The following CACNG5 variants were observed in gnomAD, a reference collection of about 807,000 sequenced individuals.
CACNG5 encodes voltage-dependent calcium channel gamma-5 subunit.
Under a neutral mutation model 24.8 loss-of-function variants are expected in CACNG5, and 18 were observed. The observed-to-expected ratio is 0.73, with a 90% CI of 0.50 to 1.08. The LOEUF is 1.08. CACNG5 is among the 50% of genes least tolerant of loss of function. CACNG5 has a pLI of 0.00. For missense variants in CACNG5, 349 were observed against 367.9 expected, an observed-to-expected ratio of 0.95 and a Z score of 0.42; for synonymous variants, 157 against 149.1, an observed-to-expected ratio of 1.05 and a Z score of -0.39.
rs1977261701 is a variant in CACNG5, at chr17:66,886,452, G to A, written c.*1212G>A. On this transcript the variant is annotated 3_prime_UTR_variant, in exon 6 of 6. Transcript: ENST00000533854. Reference sequence around the variant, plus strand: ...CCCATTCTTCTGGTGGGAAACCGGAGCCAGGAGGGTTTCAATTACCCTCCG... The same window carrying A: ...CCCATTCTTCTGGTGGGAAACCGGAACCAGGAGGGTTTCAATTACCCTCCG... Among the ~76,000 whole-genome samples, 1 of 152,262 alleles carries A rather than the reference G, an allele frequency of 6.6e-6. No individual in the cohort carries two copies. Among genetic ancestry groups the A allele is most frequent in the South Asian group, 2.1e-4 (1 of 4,824 alleles).
intron 1 of CACNG5, among the ~76,000 whole-genome samples, chr17:66,851,102 C>CA (rs1218825412): frequency 6.6e-6 from 1 of 152,014 alleles, no homozygotes; most frequent in African/African-American, 2.4e-5. Flanking sequence ...ACTACCAGCC[C>CA]AAAAAATTGC....
intron 1 of CACNG5, among the ~76,000 whole-genome samples, chr17:66,841,285 A>T (rs564174940): frequency 6.6e-6 from 1 of 152,302 alleles, no homozygotes; most frequent in South Asian, 2.1e-4. Flanking sequence ...GCCGTTCCAA[A>T]AGAGGCAATC....
intron 1 of CACNG5, among the ~76,000 whole-genome samples, chr17:66,873,086 T>G (rs1159535822): frequency 6.6e-6 from 1 of 152,172 alleles, no homozygotes; most frequent in Non-Finnish European, 1.5e-5. Context: ...TCCACATCTC[T>G]AACCCTGAGT....
intron 1 of CACNG5, among the ~76,000 whole-genome samples, chr17:66,875,207 G>A (rs140654214): frequency 7.9e-5 from 12 of 152,186 alleles, no homozygotes; most frequent in South Asian, 2.1e-4. Context: ...GCTTATAGGC[G>A]CTTTACTAGA....
intron 1 of CACNG5, among the ~76,000 whole-genome samples, chr17:66,869,114 C>A (rs1158930993): frequency 6.6e-6 from 1 of 152,016 alleles, no homozygotes; most frequent in Non-Finnish European, 1.5e-5. Flanking sequence ...GATGGAGTCT[C>A]GCTCTGTCAT....
intron 4 of CACNG5, among the ~76,000 whole-genome samples, chr17:66,882,669 A>G (rs1977177551): frequency 6.6e-6 from 1 of 152,072 alleles, no homozygotes. Flanking sequence ...CGGATGACTG[A>G]CTGGTTAGGG....
At position 66,890,371 on chromosome 17, in the gene CACNG5, G is replaced by T. The variant is rs1323448965; in HGVS notation, c.*5131G>T. On this transcript the variant is annotated 3_prime_UTR_variant, in exon 6 of 6. Transcript: ENST00000533854. ...CTTTGGGTTCCAGGCATGCAGATGA[G>T]TGAATAGGAACTGGGCAGGTGCCCC... 6.6e-6 allele frequency among the ~76,000 whole-genome samples: 1 copy of T among 152,254 alleles called. No homozygotes were observed. The highest frequency in any genetic ancestry group is 1.9e-4 in the East Asian group (1 of 5,194).
Position 66,890,409 on chromosome 17 carries a change from G to C in CACNG5, c.*5169G>C, listed in dbSNP as rs898280315. 2.0e-5 allele frequency among the ~76,000 whole-genome samples: 3 copies of C among 152,214 alleles called. No homozygotes were observed. The highest frequency in any genetic ancestry group is 2.9e-5 in the Non-Finnish European group (2 of 68,034). ...GGGCAGGTGCCCCTCTAGCATCCAC[G>C]TCTCCCAGGACAGGTGCTAGGGCCT... On this transcript the variant is annotated 3_prime_UTR_variant, in exon 6 of 6. Coordinates refer to ENST00000533854, the MANE Select transcript of CACNG5 (RefSeq NM_145811.3).
intron 1 of CACNG5, among the ~76,000 whole-genome samples, chr17:66,855,285 G>T (rs952963651): frequency 1.3e-5 from 2 of 152,206 alleles, no homozygotes; most frequent in Non-Finnish European, 2.9e-5. Flanking sequence ...TCTCTGAGCG[G>T]CTTTGCGGCA....
rs1730989061 is a variant in CACNG5 at position 66,887,163 on chromosome 17, T to G, written c.*1923T>G. 6.6e-6 allele frequency among the ~76,000 whole-genome samples: 1 copy of G among 152,166 alleles called. No homozygotes were observed. The highest frequency in any genetic ancestry group is 2.4e-5 in the African/African-American group (1 of 41,440). ...GTATTTTGTTGCTGGATTCTTCCAT[T>G]TGTCTCACAGCAGGGTGGAGGAGAA... On this transcript the variant is annotated 3_prime_UTR_variant, in exon 6 of 6. Transcript: ENST00000533854.
intron 1 of CACNG5, among the ~76,000 whole-genome samples, chr17:66,868,448 C>G (rs1976958970): frequency 6.6e-6 from 1 of 152,160 alleles, no homozygotes; most frequent in African/African-American, 2.4e-5. Context: ...TGTCAAAGGA[C>G]AGGAATCCCT....
At chr17:66,840,392 C>T (rs549910129) in intron 1 of CACNG5, among the ~76,000 whole-genome samples, 3 of 152,294 alleles carry the variant, frequency 2.0e-5, no homozygotes, top group African/African-American at 7.2e-5. Flanking sequence ...CCGGGATCTT[C>T]AGGGCCAGTC....
In CACNG5 at chr17:66,892,406, CCAAG is replaced by C. The variant is rs1977357729; in HGVS notation, c.*7173_*7176del. 6.6e-6 allele frequency among the ~76,000 whole-genome samples: 1 copy of C among 152,228 alleles called. No individual in the cohort carries two copies. Among genetic ancestry groups the C allele is most frequent in the South Asian group, 2.1e-4 (1 of 4,832 alleles). Reference sequence around the variant, plus strand: ...CGTGTTCTCCAGCCCACTGTCAGGGCCAAGCAAGCAGGGATGCAAGCAGGGATGA... The same window carrying C: ...CGTGTTCTCCAGCCCACTGTCAGGGCCAAGCAGGGATGCAAGCAGGGATGA... On this transcript the variant is annotated 3_prime_UTR_variant, in exon 6 of 6. Transcript: ENST00000533854.
intron 1 of CACNG5, among the ~76,000 whole-genome samples, chr17:66,863,669 C>T (rs1976893810): frequency 6.6e-6 from 1 of 152,162 alleles, no homozygotes; most frequent in Non-Finnish European, 1.5e-5. Flanking sequence ...CTCTGGCCTA[C>T]ACTCACTATT....
chr17:66,845,293 G>A (rs548129930), intron 1 of CACNG5, among the ~76,000 whole-genome samples: 2 of 152,014 alleles, frequency 1.3e-5, no homozygotes, highest in Non-Finnish European at 2.9e-5. Flanking sequence ...GACCTGTTAG[G>A]GGGGTGGTGG....
intron 1 of CACNG5, among the ~76,000 whole-genome samples, chr17:66,868,901 G>C (rs1296433376): frequency 1.3e-5 from 2 of 152,152 alleles, no homozygotes; most frequent in African/African-American, 4.8e-5. Flanking sequence ...AGACAGGAGG[G>C]CTGAAATTTG....
intron 1 of CACNG5, among the ~76,000 whole-genome samples, chr17:66,838,709 T>C (rs1976518064): frequency 6.6e-6 from 1 of 152,152 alleles, no homozygotes; most frequent in Non-Finnish European, 1.5e-5. Flanking sequence ...TCTTAAATAA[T>C]AATAACGATG....
chr17:66,838,824 A>G (rs1452824420), intron 1 of CACNG5, among the ~76,000 whole-genome samples: 1 of 151,698 alleles, frequency 6.6e-6, no homozygotes, highest in Non-Finnish European at 1.5e-5. Flanking sequence ...ATACGACTGG[A>G]GTATTATTGG....
intron 1 of CACNG5, among the ~76,000 whole-genome samples, chr17:66,858,165 C>T (rs996869107): frequency 6.6e-6 from 1 of 152,146 alleles, no homozygotes; most frequent in African/African-American, 2.4e-5. Flanking sequence ...CCGGCCCACC[C>T]CAAATCTCTG....
Sources: gnomAD v4.1 joint callset for allele counts (sites outside exome capture counted in the v4.1 genomes callset) on GRCh38, gnomAD v4.1.1 for gene constraint, MANE v1.5 for transcripts, NCBI Gene and HGNC (gene_info 2026-07-23, HGNC 2026-07-21) for gene names.